The following CDH13 variants were observed in gnomAD, a reference collection of about 807,000 sequenced individuals.
The protein encoded by CDH13 is cadherin 13.
In CDH13, 24 loss-of-function variants were observed where a neutral mutation model predicts 63.8. That is an observed-to-expected ratio of 0.38 (90% CI 0.27 to 0.53). The LOEUF is 0.53. CDH13 is among the 20% of genes least tolerant of loss of function. The probability of loss-of-function intolerance (pLI) is 0.85; values close to 1 mark genes in which losing one functional copy is unlikely to be tolerated. For synonymous variants in CDH13, 503 were observed against 355.3 expected (o/e 1.42, Z -4.67); for missense variants, 1,049 against 903.1 (o/e 1.16, Z -2.07).
chr16:82,678,872 A>G (rs1178026350), intron 1 of CDH13, among the ~76,000 whole-genome samples: 1 of 152,202 alleles, frequency 6.6e-6, no homozygotes, highest in African/African-American at 2.4e-5. Context: ...ATCATCCCTG[A>G]CATAGCCTGC....
At position 83,047,112 on chromosome 16, in the gene CDH13, T is replaced by G. The variant is rs78124178; in HGVS notation, c.366+14894T>G. ...AGCAACTTTTTACAACTTCCTTCCT[T>G]TGAAGATATAAAGCTTTAAACAGTA... On this transcript the variant is annotated intron_variant, in intron 3 of 13. Transcript: ENST00000567109. The surrounding 1 kb of genome is among the most constrained non-coding windows in gnomAD (Gnocchi z 4.9). Among the ~76,000 whole-genome samples the G allele has an allele frequency of 0.014, 2,132 of 152,262 alleles. 52 individuals are homozygous for G. Among genetic ancestry groups the G allele is most frequent in the African/African-American group, 0.049 (2,016 of 41,536 alleles).
At chr16:82,870,021 A>G (rs989245788) in intron 2 of CDH13, among the ~76,000 whole-genome samples, 3 of 152,204 alleles carry the variant, frequency 2.0e-5, no homozygotes, top group African/African-American at 4.8e-5. Flanking sequence ...AAAGGAAACA[A>G]TCAAAATCAA....
At chr16:83,002,993 A>C (rs1487809379) in intron 2 of CDH13, among the ~76,000 whole-genome samples, 3 of 152,226 alleles carry the variant, frequency 2.0e-5, no homozygotes, top group Non-Finnish European at 4.4e-5. Context: ...AGAGGTAGGT[A>C]ACAAAATTCC....
At chr16:83,587,638 T>C (rs185854671) in intron 7 of CDH13, among the ~76,000 whole-genome samples, 93 of 152,338 alleles carry the variant, frequency 6.1e-4, no homozygotes, top group African/African-American at 2.0e-3. Context: ...CACCTTGCTA[T>C]TTTATGAAAC....
intron 6 of CDH13, among the ~76,000 whole-genome samples, chr16:83,408,609 T>C (rs1014914853): frequency 6.6e-6 from 1 of 152,238 alleles, no homozygotes; most frequent in Non-Finnish European, 1.5e-5. Flanking sequence ...TATAATCTAA[T>C]GAGACAACTT....
intron 2 of CDH13, among the ~76,000 whole-genome samples, chr16:82,914,329 T>A (rs765014545): frequency 2.3e-4 from 35 of 152,294 alleles, no homozygotes; most frequent in Non-Finnish European, 3.8e-4. Context: ...ATAGTCTTCA[T>A]AAAGATGCCT....
rs71272416 is a variant in CDH13, at chr16:83,265,727, C to CTTTTTTTTTTT, written c.636+48246_636+48256dup. Among the ~76,000 whole-genome samples, 17 of 42,572 alleles carry CTTTTTTTTTTT rather than the reference C, an allele frequency of 4.0e-4. 3 individuals are homozygous for CTTTTTTTTTTT. Among genetic ancestry groups the CTTTTTTTTTTT allele is most frequent in the Non-Finnish European group, 6.2e-4 (15 of 24,356 alleles). 27.9% of individuals were successfully genotyped at this position (42,572 alleles called of 152,430 possible). A position where few individuals can be genotyped will look rare whatever the true frequency, so the allele number is the denominator to read the frequency against. ...GTTTTCTGTTGCTTCTAAATTTCTG[C>CTTTTTTTTTTT]TTTTTTTTTTTTTTTTTTTTTTTTT... On this transcript the variant is annotated intron_variant, in intron 5 of 13. Transcript: ENST00000567109.
At chr16:83,116,698 A>G (rs7195293) in intron 3 of CDH13, among the ~76,000 whole-genome samples, 27,782 of 152,120 alleles carry the variant, frequency 0.18, 3,601 homozygotes, top group African/African-American at 0.37. Context: ...ATATGTGGTG[A>G]GGATTGCACA....
Position 83,242,756 on chromosome 16 carries a change from C to G in CDH13, c.636+25259C>G, listed in dbSNP as rs141496861. ...TTGGAGACCGATGTTGGGGAAGACT[C>G]TGAGGCTGCTTCCAGATGCAGCAGG... is the stretch of plus-strand genomic sequence containing the variant. On this transcript the variant is annotated intron_variant, in intron 5 of 13. Coordinates refer to ENST00000567109, the MANE Select transcript of CDH13 (RefSeq NM_001257.5). Among the ~76,000 whole-genome samples, 135 of 152,312 alleles carry G rather than the reference C, an allele frequency of 8.9e-4. 1 individual carries two copies. Among genetic ancestry groups the G allele is most frequent in the African/African-American group, 2.9e-3 (119 of 41,572 alleles).
intron 4 of CDH13, among the ~76,000 whole-genome samples, chr16:83,131,579 C>A (rs960611726): frequency 6.6e-6 from 1 of 152,024 alleles, no homozygotes; most frequent in African/African-American, 2.4e-5. Flanking sequence ...TTTTTGAGTT[C>A]TTGGGCCCGA....
chr16:82,923,971 G>A (rs1203844000), intron 2 of CDH13, among the ~76,000 whole-genome samples: 2 of 152,250 alleles, frequency 1.3e-5, no homozygotes, highest in South Asian at 4.1e-4. Context: ...TGTTACTTAG[G>A]ATTCAAGGCA....
chr16:82,983,398 A>G (rs1164576281), intron 2 of CDH13, among the ~76,000 whole-genome samples: 1 of 152,124 alleles, frequency 6.6e-6, no homozygotes, highest in African/African-American at 2.4e-5. Context: ...TTTGCTCCTC[A>G]GGAGATCTGA....
At chr16:82,720,672 T>G (rs1217977096) in intron 1 of CDH13, among the ~76,000 whole-genome samples, 1 of 150,260 alleles carries the variant, frequency 6.7e-6, no homozygotes, top group African/African-American at 2.4e-5. Flanking sequence ...GGGCCAAGAG[T>G]TAGTGTTTTT....
Position 83,732,017 on chromosome 16 carries a change from G to A in CDH13, c.1539-16091G>A, listed in dbSNP as rs183512858. 1.1e-3 allele frequency among the ~76,000 whole-genome samples: 164 copies of A among 152,290 alleles called. No individual in the cohort carries two copies. In the Middle Eastern group the frequency reaches 0.034, roughly 32 times the overall value. On this transcript the variant is annotated intron_variant, in intron 10 of 13. Transcript: ENST00000567109. ...CTATTCTTCATACATCCAACCTAAA[G>A]GTAATCATCCTGGTTTATTTATTTA...
chr16:82,787,402 C>T (rs548223160), intron 1 of CDH13, among the ~76,000 whole-genome samples: 2 of 152,206 alleles, frequency 1.3e-5, no homozygotes, highest in Admixed American at 6.5e-5. Flanking sequence ...TGACTCATTT[C>T]ATTATTTGGA....
At chr16:82,967,615 G>A (rs1908043970) in intron 2 of CDH13, among the ~76,000 whole-genome samples, 1 of 152,220 alleles carries the variant, frequency 6.6e-6, no homozygotes. Flanking sequence ...CGCTCCTACT[G>A]GAGTGATGGC....
In CDH13 at chr16:83,142,864, A is replaced by T. The variant is rs1016281153; in HGVS notation, c.483+17363A>T. ...ATACCTGGAATCCCAGCCCTTTGGG[A>T]GGCCGAGGCGGGCAGATCACCTGAG... On this transcript the variant is annotated intron_variant, in intron 4 of 13. Coordinates refer to ENST00000567109, the MANE Select transcript of CDH13 (RefSeq NM_001257.5). Among the ~76,000 whole-genome samples the T allele has an allele frequency of 3.3e-5, 5 of 152,148 alleles. No individual in the cohort carries two copies. In the East Asian group the frequency reaches 7.7e-4, roughly 24 times the overall value.
At chr16:82,802,103 C>T (rs2036888265) in intron 1 of CDH13, among the ~76,000 whole-genome samples, 1 of 121,714 alleles carries the variant, frequency 8.2e-6, no homozygotes, top group Admixed American at 7.7e-5. Flanking sequence ...GGTTATTTAT[C>T]TATCATCTCC....
chr16:82,873,659 G>A (rs1408342890), intron 2 of CDH13, among the ~76,000 whole-genome samples: 1 of 152,214 alleles, frequency 6.6e-6, no homozygotes, highest in Non-Finnish European at 1.5e-5. Context: ...ATACAAAGGA[G>A]TGACAGCAGT....
Sources: allele counts gnomAD v4.1 joint callset (sites outside exome capture counted in the v4.1 genomes callset), GRCh38; gene constraint gnomAD v4.1.1; non-coding constraint Gnocchi (gnomAD v3.1); transcripts MANE v1.5; gene names NCBI Gene and HGNC (gene_info 2026-07-23, HGNC 2026-07-21).